Variants in CIMIP2A observed in about 807,000 individuals in gnomAD.
The protein encoded by CIMIP2A is family with sequence similarity 166 member A.
chr9:137,245,873 A>C, the CIMIP2A span: 1 of 1,488,060 alleles, frequency 6.7e-7, no homozygotes, highest in Non-Finnish European at 8.9e-7. Flanking sequence ...GAAGAGAAGA[A>C]GGCAGGGCAG....
chr9:137,244,111 G>C, the CIMIP2A span: 1 of 1,503,874 alleles, frequency 6.6e-7, no homozygotes, highest in Non-Finnish European at 9.2e-7. Context: ...TGAGCAGGTA[G>C]AGCCGTCCCT....
At chr9:137,245,737 G>A in the CIMIP2A span, 1 of 1,600,976 alleles carries the variant, frequency 6.2e-7, no homozygotes, top group Admixed American at 1.7e-5. Flanking sequence ...TTTGGACATG[G>A]GGGACAGCAC....
the CIMIP2A span, chr9:137,243,668 C>T: frequency 1.5e-5 from 24 of 1,613,964 alleles, no homozygotes; most frequent in African/African-American, 6.7e-5. Context: ...TGTCCACATC[C>T]ATGCTGTACA....
At chr9:137,247,615 C>T in the CIMIP2A span, 1 of 1,585,814 alleles carries the variant, frequency 6.3e-7, no homozygotes, top group Non-Finnish European at 8.6e-7. Flanking sequence ...TTCTCCCCCT[C>T]CTGCAGCCCT....
the CIMIP2A span, chr9:137,247,560 C>T: frequency 8.9e-7 from 1 of 1,126,218 alleles, no homozygotes; most frequent in Admixed American, 1.9e-5. Context: ...TGGGGTCCAG[C>T]TCTGGGCCCC....
chr9:137,243,803 G>T, the CIMIP2A span: 115 of 1,613,552 alleles, frequency 7.1e-5, no homozygotes, highest in Non-Finnish European at 9.5e-5. Context: ...GGGGAGCCAG[G>T]CTGCAGCTGA....
At chr9:137,246,757 C>T in the CIMIP2A span, among the ~76,000 whole-genome samples, 8 of 151,886 alleles carry the variant, frequency 5.3e-5, no homozygotes, top group Non-Finnish European at 8.8e-5. Flanking sequence ...AGCGAGACTC[C>T]GTCTCAAAAG....
chr9:137,245,522 G>A, the CIMIP2A span: 1 of 1,613,868 alleles, frequency 6.2e-7, no homozygotes, highest in African/African-American at 1.3e-5. Context: ...GGTGGGAGCT[G>A]GCCCAGAATC....
At chr9:137,246,574 C>A in the CIMIP2A span, among the ~76,000 whole-genome samples, 1 of 151,968 alleles carries the variant, frequency 6.6e-6, no homozygotes, top group Admixed American at 6.5e-5. Context: ...CCATCCTGGC[C>A]AACATGGTGA....
At chr9:137,244,193 G>A in the CIMIP2A span, 13 of 1,613,804 alleles carry the variant, frequency 8.1e-6, no homozygotes, top group East Asian at 2.2e-5. Flanking sequence ...CCATGTAGAA[G>A]GGGATCAGGC....
At chr9:137,247,751 TC>T in the CIMIP2A span, 1 of 1,603,740 alleles carries the variant, frequency 6.2e-7, no homozygotes, top group Non-Finnish European at 8.5e-7. Flanking sequence ...CTCCAGTCCC[TC>T]CCGGCATCCA....
At chr9:137,252,006 G>C in the CIMIP2A span, 1 of 1,610,992 alleles carries the variant, frequency 6.2e-7, no homozygotes, top group South Asian at 1.1e-5. Flanking sequence ...GCCAGTGCTG[G>C]AGCAACGCCC....
At chr9:137,252,442 G>A in the CIMIP2A span, 58 of 1,610,166 alleles carry the variant, frequency 3.6e-5, no homozygotes, top group Admixed American at 2.3e-4. Context: ...TACAGAGGGC[G>A]GTGGCCGCAG....
chr9:137,245,948 G>T, the CIMIP2A span: 2 of 1,053,374 alleles, frequency 1.9e-6, no homozygotes, highest in Non-Finnish European at 2.6e-6. Context: ...CAGCCTGCTG[G>T]CCACTTAGCA....
chr9:137,249,648 T>C, the CIMIP2A span, among the ~76,000 whole-genome samples: 10 of 152,168 alleles, frequency 6.6e-5, no homozygotes, highest in African/African-American at 2.4e-4. Flanking sequence ...GCAGGAATGC[T>C]GACATCAGGA....
At chr9:137,249,515 G>A in the CIMIP2A span, among the ~76,000 whole-genome samples, 5 of 152,272 alleles carry the variant, frequency 3.3e-5, no homozygotes, top group African/African-American at 4.8e-5. Context: ...TGGGGGGTGC[G>A]GGCGGGGGAC....
the CIMIP2A span, chr9:137,244,895 A>C: frequency 6.3e-7 from 1 of 1,579,930 alleles, no homozygotes; most frequent in Non-Finnish European, 8.6e-7. Flanking sequence ...ACAGGCAGGC[A>C]AGGCACCGCC....
chr9:137,244,837 C>A, the CIMIP2A span: 1 of 1,568,178 alleles, frequency 6.4e-7, no homozygotes, highest in East Asian at 2.3e-5. Flanking sequence ...GGCAAGGCTC[C>A]CTTTCGTTCC....
chr9:137,254,281 G>A, the CIMIP2A span, among the ~76,000 whole-genome samples: 2 of 152,254 alleles, frequency 1.3e-5, no homozygotes, highest in East Asian at 1.9e-4. Flanking sequence ...CTCTGCCACC[G>A]AACCAGCTGG....
Sources: gnomAD v4.1 joint callset for allele counts (sites outside exome capture counted in the v4.1 genomes callset) on GRCh38, gnomAD v4.1.1 for gene constraint, MANE v1.5 for transcripts, NCBI Gene and HGNC (gene_info 2026-07-23, HGNC 2026-07-21) for gene names.